Variants in GABRB2 observed in about 807,000 individuals in gnomAD.
GABRB2 encodes gamma-aminobutyric acid receptor subunit beta-2.
Under a neutral mutation model 54.7 loss-of-function variants are expected in GABRB2, and 16 were observed. The observed-to-expected ratio is 0.29, with a 90% CI of 0.20 to 0.44. GABRB2 has a LOEUF of 0.44. GABRB2 is among the 20% of genes least tolerant of loss of function. The pLI is 1.00. For synonymous variants in GABRB2, 244 were observed against 233.8 expected (o/e 1.04, Z -0.40); for missense variants, 355 against 644.0 (o/e 0.55, Z 4.86).
rs148168769 is a variant in GABRB2 at position 161,526,455 on chromosome 5, C to G, written c.237+18772G>C. Among the ~76,000 whole-genome samples, 95 of 151,078 alleles carry G rather than the reference C, an allele frequency of 6.3e-4. 1 individual carries two copies. The East Asian group carries it at 0.011, about 18-fold the overall frequency. On this transcript the variant is annotated intron_variant, in intron 3 of 9. Coordinates refer to ENST00000393959, the MANE Select transcript of GABRB2 (RefSeq NM_001371727.1). Reference sequence around the variant, plus strand: ...CTGTTTTATTCTGAGTGTAGATGCTCTTATTATGGAAGATCTCTTATTTGT... The same window carrying G: ...CTGTTTTATTCTGAGTGTAGATGCTGTTATTATGGAAGATCTCTTATTTGT...
At chr5:161,387,805 A>G (rs532479599) in intron 5 of GABRB2, among the ~76,000 whole-genome samples, 1 of 152,360 alleles carries the variant, frequency 6.6e-6, no homozygotes, top group Non-Finnish European at 1.5e-5. Flanking sequence ...TAGTTAAACT[A>G]TAATAGACTA....
chr5:161,451,723 G>A (rs547186656), intron 4 of GABRB2, among the ~76,000 whole-genome samples: 47 of 152,118 alleles, frequency 3.1e-4, no homozygotes, highest in East Asian at 1.5e-3. Flanking sequence ...TTTTATTGAC[G>A]TGACAAACAT....
chr5:161,395,602 C>T (rs921450788), intron 5 of GABRB2, among the ~76,000 whole-genome samples: 3 of 151,982 alleles, frequency 2.0e-5, no homozygotes, highest in African/African-American at 7.2e-5. Flanking sequence ...GTTACAGGTA[C>T]TTTGAGAGAG....
chr5:161,427,185 T>C (rs1757025036), intron 4 of GABRB2, among the ~76,000 whole-genome samples: 2 of 152,210 alleles, frequency 1.3e-5, no homozygotes, highest in Admixed American at 1.3e-4. Flanking sequence ...GAATGAACTC[T>C]GTCTAACTGG....
intron 4 of GABRB2, among the ~76,000 whole-genome samples, chr5:161,416,456 G>A (rs542584664): frequency 6.6e-6 from 1 of 151,682 alleles, no homozygotes; most frequent in African/African-American, 2.4e-5. Flanking sequence ...ATCTTGTTAG[G>A]ATTTTAACCA....
intron 3 of GABRB2, among the ~76,000 whole-genome samples, chr5:161,515,500 T>C (rs1201763558): frequency 1.3e-5 from 2 of 151,548 alleles, no homozygotes; most frequent in South Asian, 4.2e-4. Flanking sequence ...TTTAATTAGC[T>C]AAAAAGAAAA....
At chr5:161,359,359 C>T (rs1479691729) in intron 5 of GABRB2, among the ~76,000 whole-genome samples, 1 of 151,872 alleles carries the variant, frequency 6.6e-6, no homozygotes, top group African/African-American at 2.4e-5. Context: ...CTTCTATAAA[C>T]CTAAATTTTT....
chr5:161,381,356 A>G (rs967227175), intron 5 of GABRB2, among the ~76,000 whole-genome samples: 1 of 152,180 alleles, frequency 6.6e-6, no homozygotes, highest in Non-Finnish European at 1.5e-5. Context: ...ACATCCTTAT[A>G]ATGACAGCAG....
intron 3 of GABRB2, among the ~76,000 whole-genome samples, chr5:161,517,823 G>T (rs1478007345): frequency 6.6e-6 from 1 of 150,940 alleles, no homozygotes; most frequent in Admixed American, 6.6e-5. Context: ...TTGAGACAGA[G>T]TCTCACTCTG....
At chr5:161,528,538 A>G (rs2113448684) in intron 3 of GABRB2, among the ~76,000 whole-genome samples, 1 of 151,952 alleles carries the variant, frequency 6.6e-6, no homozygotes, top group East Asian at 1.9e-4. Flanking sequence ...CATCAGTGAC[A>G]AATTCAGGAC....
At chr5:161,509,667 G>A (rs188174340) in intron 3 of GABRB2, among the ~76,000 whole-genome samples, 43 of 151,856 alleles carry the variant, frequency 2.8e-4, no homozygotes, top group South Asian at 4.2e-4. Flanking sequence ...CACCTTCAAG[G>A]AGTAATACTC....
chr5:161,326,636 T>A (rs1758371861), intron 8 of GABRB2, among the ~76,000 whole-genome samples, 155 bp from the exon 9 acceptor site: 2 of 152,086 alleles, frequency 1.3e-5, no homozygotes, highest in South Asian at 4.1e-4. Flanking sequence ...AGTAAGTTTT[T>A]AAAAAATGTT....
intron 3 of GABRB2, among the ~76,000 whole-genome samples, chr5:161,514,517 G>A (rs1369035878): frequency 6.6e-6 from 1 of 152,058 alleles, no homozygotes; most frequent in Non-Finnish European, 1.5e-5. Context: ...ATGAGTATTT[G>A]TTGAATAAAT....
chr5:161,446,578 C>G lies in GABRB2; in HGVS notation c.458+13046G>C, dbSNP rs73800515. Among the ~76,000 whole-genome samples the G allele has an allele frequency of 5.1e-3, 774 of 152,184 alleles. 10 individuals are homozygous for G. The highest frequency in any genetic ancestry group is 0.017 in the African/African-American group (703 of 41,540). Reference sequence around the variant, plus strand: ...CTTTGGAGTCAGGCAGACTTGGAACCTATCCCCATCTTTGACGTGTATACT... The same window carrying G: ...CTTTGGAGTCAGGCAGACTTGGAACGTATCCCCATCTTTGACGTGTATACT... On this transcript the variant is annotated intron_variant, in intron 4 of 9. Coordinates refer to ENST00000393959, the MANE Select transcript of GABRB2 (RefSeq NM_001371727.1).
intron 5 of GABRB2, among the ~76,000 whole-genome samples, chr5:161,384,859 G>A (rs945196903): frequency 2.0e-5 from 3 of 152,084 alleles, no homozygotes; most frequent in Non-Finnish European, 4.4e-5. Context: ...TCTTAGAGTT[G>A]GGGGAAGAAT....
chr5:161,329,663 A>G lies in GABRB2; in HGVS notation c.1077+1220T>C, dbSNP rs568724509. On this transcript the variant is annotated intron_variant, in intron 8 of 9. Transcript: ENST00000393959. ...AATTTGAAGTTAGAAATATCAAAAC[A>G]TCAAGGAAATAATCAGCTTTTGTTA... The G allele has an allele frequency of 2.6e-5, 4 of 152,348 alleles. No individual in the cohort carries two copies. The East Asian group carries it at 7.7e-4, about 29-fold the overall frequency. The allele number at this position is 152,348 out of a possible 1,614,324, so 9.4% of individuals were successfully genotyped here. A position where few individuals can be genotyped will look rare whatever the true frequency, so the allele number is the denominator to read the frequency against.
intron 3 of GABRB2, among the ~76,000 whole-genome samples, chr5:161,464,657 C>T (rs565946139): frequency 1.3e-4 from 20 of 151,952 alleles, no homozygotes; most frequent in African/African-American, 4.1e-4. Context: ...GTTCTTCAGC[C>T]GATACAGGGA....
chr5:161,461,955 T>C (rs1034261544), intron 3 of GABRB2, among the ~76,000 whole-genome samples: 2 of 152,204 alleles, frequency 1.3e-5, no homozygotes, highest in Non-Finnish European at 2.9e-5. Context: ...TACATCTTAA[T>C]TGGTTTATAT....
chr5:161,328,819 T>C (rs547813889), intron 8 of GABRB2, among the ~76,000 whole-genome samples: 4 of 152,196 alleles, frequency 2.6e-5, no homozygotes, highest in African/African-American at 2.4e-5. Flanking sequence ...CCTCATCCTA[T>C]AGTTTTTACA....
Sources: allele counts gnomAD v4.1 joint callset (sites outside exome capture counted in the v4.1 genomes callset), GRCh38; gene constraint gnomAD v4.1.1; transcripts MANE v1.5; gene names NCBI Gene and HGNC (gene_info 2026-07-23, HGNC 2026-07-21).